KCNMB2: variants seen among roughly 807,000 people sequenced by gnomAD.
KCNMB2 encodes calcium-activated potassium channel subunit beta-2.
A neutral mutation model predicts 24.5 loss-of-function variants in KCNMB2; 9 were observed. The observed-to-expected ratio is 0.37, with a 90% CI of 0.22 to 0.64. The LOEUF (loss-of-function observed/expected upper bound fraction) is 0.64, where lower values mean the gene tolerates loss of function less well. Ranked by LOEUF, KCNMB2 falls within the 30% of genes least tolerant of loss-of-function variation. KCNMB2 has a pLI of 0.63. For missense variants in KCNMB2, 226 were observed against 284.3 expected (o/e 0.79, Z 1.47); for synonymous variants, 109 against 104.4 (o/e 1.04, Z -0.27).
At chr3:178,835,886 C>T (rs1429273187) in intron 4 of KCNMB2, among the ~76,000 whole-genome samples, 1 of 151,964 alleles carries the variant, frequency 6.6e-6, no homozygotes, top group South Asian at 2.1e-4. Flanking sequence ...TTTTCTGTTT[C>T]GCTATACATT....
chr3:178,541,088 T>G (rs1715600811), intron 1 of KCNMB2, among the ~76,000 whole-genome samples: 1 of 152,196 alleles, frequency 6.6e-6, no homozygotes, highest in South Asian at 2.1e-4. Context: ...CTCTGTGTCA[T>G]AACACTCTGT....
chr3:178,719,246 C>T (rs1722719149), intron 1 of KCNMB2, among the ~76,000 whole-genome samples: 1 of 152,204 alleles, frequency 6.6e-6, no homozygotes, highest in African/African-American at 2.4e-5. Context: ...TGGCATTGTT[C>T]CAAGTAGACT....
At chr3:178,565,413 A>G (rs1716481936) in intron 1 of KCNMB2, among the ~76,000 whole-genome samples, 1 of 152,228 alleles carries the variant, frequency 6.6e-6, no homozygotes, top group Non-Finnish European at 1.5e-5. Flanking sequence ...TACACTGTCT[A>G]GAGTGGAAAA....
chr3:178,622,330 T>G (rs764141251), intron 1 of KCNMB2, among the ~76,000 whole-genome samples: 2 of 152,220 alleles, frequency 1.3e-5, no homozygotes, highest in Non-Finnish European at 2.9e-5. Flanking sequence ...TACACAGATC[T>G]TACTGCCTAA....
chr3:178,684,793 T>G (rs1424379086), intron 1 of KCNMB2, among the ~76,000 whole-genome samples: 1 of 152,152 alleles, frequency 6.6e-6, no homozygotes, highest in East Asian at 1.9e-4. Context: ...ATCGCGCCAT[T>G]GCACTCCAGC....
intron 1 of KCNMB2, among the ~76,000 whole-genome samples, chr3:178,570,378 G>A (rs9816839): frequency 0.8 from 120,915 of 152,014 alleles, 48,663 homozygotes; most frequent in African/African-American, 0.93. Context: ...GAAATTAGGA[G>A]GTCATTAGAC....
At chr3:178,727,712 C>T (rs1723010089) in intron 1 of KCNMB2, among the ~76,000 whole-genome samples, 2 of 152,092 alleles carry the variant, frequency 1.3e-5, no homozygotes, top group Admixed American at 1.3e-4. Context: ...ATGGTTTTCC[C>T]TTAGAGCCTC....
In KCNMB2 at chr3:178,749,090, G is replaced by A. The variant is rs552173517; in HGVS notation, c.-67-58253G>A. On this transcript the variant is annotated intron_variant, in intron 1 of 4. Coordinates refer to ENST00000452583, the MANE Select transcript of KCNMB2 (RefSeq NM_181361.3). ...GTGGTTTAGTGGTTTCAACAGCATGGTCCCGAGAGTCTGACAAACCTCAGT... is the reference window on the plus strand; with the variant it reads ...GTGGTTTAGTGGTTTCAACAGCATGATCCCGAGAGTCTGACAAACCTCAGT... 14 of 152,246 alleles carry A rather than the reference G, an allele frequency of 9.2e-5. No individual in the cohort carries two copies. In the South Asian group the frequency reaches 2.9e-3, roughly 32 times the overall value. The allele number at this position is 152,246 out of a possible 1,614,324, so 9.4% of individuals were successfully genotyped here. A position where few individuals can be genotyped will look rare whatever the true frequency, so the allele number is the denominator to read the frequency against.
At chr3:178,796,881 G>A (rs1260588267) in intron 1 of KCNMB2, among the ~76,000 whole-genome samples, 1 of 150,260 alleles carries the variant, frequency 6.7e-6, no homozygotes, top group East Asian at 1.9e-4. Context: ...CTTAATAAAA[G>A]AAAAGACATA....
chr3:178,586,066 C>CT (rs1245658545), intron 1 of KCNMB2, among the ~76,000 whole-genome samples: 1 of 152,184 alleles, frequency 6.6e-6, no homozygotes, highest in Non-Finnish European at 1.5e-5. Flanking sequence ...CACTGCTCCC[C>CT]TCTTGCTGTT....
chr3:178,552,493 A>G (rs190130199), intron 1 of KCNMB2, among the ~76,000 whole-genome samples: 1 of 152,084 alleles, frequency 6.6e-6, no homozygotes, highest in Admixed American at 6.6e-5. Flanking sequence ...AATAATTTCC[A>G]TAACTGTATA....
intron 1 of KCNMB2, among the ~76,000 whole-genome samples, chr3:178,700,450 C>G (rs1389307194): frequency 6.6e-6 from 1 of 152,238 alleles, no homozygotes; most frequent in East Asian, 1.9e-4. Flanking sequence ...TAAATTAAAT[C>G]CCTGGACCAC....
Position 178,758,673 on chromosome 3 carries a change from G to GATATATATATATCTCTCTCCAAGAGGAT in KCNMB2, c.-67-48658_-67-48657insCTCTCTCCAAGAGGATATATATATATAT, listed in dbSNP as rs1711502052. Among the ~76,000 whole-genome samples the GATATATATATATCTCTCTCCAAGAGGAT allele has an allele frequency of 9.9e-4, 30 of 30,270 alleles. 9 individuals are homozygous for GATATATATATATCTCTCTCCAAGAGGAT. The highest frequency in any genetic ancestry group is 4.5e-3 in the African/African-American group (30 of 6,626). The allele number at this position is 30,270 out of a possible 152,430, so 19.9% of individuals were successfully genotyped here. A position where few individuals can be genotyped will look rare whatever the true frequency, so the allele number is the denominator to read the frequency against. ...ATATATATATATCTCTCTCCAAGAG[G>GATATATATATATCTCTCTCCAAGAGGAT]ATATATATATATATATCTCTCTCTC... On this transcript the variant is annotated intron_variant, in intron 1 of 4. Coordinates refer to ENST00000452583, the MANE Select transcript of KCNMB2 (RefSeq NM_181361.3).
chr3:178,751,001 T>C (rs576084812), intron 1 of KCNMB2, among the ~76,000 whole-genome samples: 275 of 152,308 alleles, frequency 1.8e-3, no homozygotes, highest in Admixed American at 3.7e-3. Flanking sequence ...AAAAACATTC[T>C]CAGATATGCT....
intron 2 of KCNMB2, among the ~76,000 whole-genome samples, chr3:178,821,414 T>G (rs1714620787): frequency 6.6e-6 from 1 of 152,174 alleles, no homozygotes; most frequent in South Asian, 2.1e-4. Context: ...AACTGAGACT[T>G]ACTACCTTTA....
rs143390961 is a variant in KCNMB2, at chr3:178,570,023, T to A, written c.-68+33312T>A. ...TACTCCTGGCACGGAGCAAGATTAT[T>A]TGGAATGTAGCCATGTCTGTTTTTC... On this transcript the variant is annotated intron_variant, in intron 1 of 4. Transcript: ENST00000452583. Among the ~76,000 whole-genome samples the A allele has an allele frequency of 2.0e-5, 3 of 152,342 alleles. No individual in the cohort carries two copies. In the East Asian group the frequency reaches 5.8e-4, roughly 29 times the overall value.
intron 1 of KCNMB2, among the ~76,000 whole-genome samples, chr3:178,775,942 C>G (rs1560016785): frequency 6.6e-6 from 1 of 152,144 alleles, no homozygotes; most frequent in Non-Finnish European, 1.5e-5. Context: ...GTAACTGATG[C>G]TTCTCCCCAG....
At chr3:178,801,762 G>C (rs1479444612) in intron 1 of KCNMB2, 2 of 152,228 alleles carry the variant, frequency 1.3e-5, no homozygotes, top group Non-Finnish European at 2.9e-5. Flanking sequence ...GAGAGCTTAA[G>C]TAAATGTGGA....
At chr3:178,750,022 G>GT (rs1478551465) in intron 1 of KCNMB2, among the ~76,000 whole-genome samples, 1 of 152,184 alleles carries the variant, frequency 6.6e-6, no homozygotes, top group African/African-American at 2.4e-5. Flanking sequence ...CTTCCTTTAA[G>GT]TAAGTATGTT....
Sources: gnomAD v4.1 joint callset for allele counts (sites outside exome capture counted in the v4.1 genomes callset) on GRCh38, gnomAD v4.1.1 for gene constraint, MANE v1.5 for transcripts, NCBI Gene and HGNC (gene_info 2026-07-23, HGNC 2026-07-21) for gene names.